Variants in MAGI2 observed in about 807,000 individuals in gnomAD.
MAGI2 encodes membrane associated guanylate kinase, WW and PDZ domain containing 2, also known as membrane-associated guanylate kinase, WW and PDZ domain-containing protein 2.
In MAGI2, 35 loss-of-function variants were observed where a neutral mutation model predicts 133.3. That is an observed-to-expected ratio of 0.26 (90% CI 0.20 to 0.35). MAGI2 has a LOEUF of 0.35. Among genes scored for constraint, MAGI2 ranks in the 10% least tolerant of loss-of-function variants. MAGI2 has a pLI of 1.00. For synonymous variants in MAGI2, 729 were observed against 710.6 expected, an observed-to-expected ratio of 1.03 and a Z score of -0.41; for missense variants, 1,636 against 1,863.4, an observed-to-expected ratio of 0.88 and a Z score of 2.25.
intron 3 of MAGI2, among the ~76,000 whole-genome samples, chr7:78,597,062 T>C (rs1029621828): frequency 3.3e-5 from 5 of 152,180 alleles, no homozygotes; most frequent in Non-Finnish European, 7.3e-5. Context: ...GAGAAATGGC[T>C]ATTAGGATGC....
At chr7:78,810,122 A>T (rs1330027797) in intron 2 of MAGI2, among the ~76,000 whole-genome samples, 1 of 152,136 alleles carries the variant, frequency 6.6e-6, no homozygotes, top group African/African-American at 2.4e-5. Context: ...TTTCTTTTTT[A>T]GGAAAGGCTG....
At position 78,256,130 on chromosome 7, in the gene MAGI2, G is replaced by A. The variant is rs199904902; in HGVS notation, c.1860C>T (p.Ala620=). 239 of 1,613,682 alleles carry A rather than the reference G, an allele frequency of 1.5e-4. No individual in the cohort carries two copies. The highest frequency in any genetic ancestry group is 1.9e-4 in the Non-Finnish European group (221 of 1,179,938). ...TCACCCGCTGTCCTGTAGGACTGTC[G>A]GCAATAGTGAAGCCGAAGCCCTGGG... The part of the protein sequence containing the change: ...KGAQGFGFTI[A]DSPTGQRVKQ... The change falls in exon 10 of 22, where the codon GCC becomes GCT. Residue 620 remains alanine, a synonymous_variant. Coordinates refer to ENST00000354212, the MANE Select transcript of MAGI2 (RefSeq NM_012301.4).
intron 1 of MAGI2, among the ~76,000 whole-genome samples, chr7:79,020,935 G>C (rs1443709073): frequency 2.0e-5 from 3 of 152,224 alleles, no homozygotes; most frequent in Non-Finnish European, 4.4e-5. Context: ...CCAAGGCCTT[G>C]CTGCTTTGTG....
intron 1 of MAGI2, among the ~76,000 whole-genome samples, chr7:79,105,423 C>T (rs1233972164): frequency 6.6e-6 from 1 of 152,108 alleles, no homozygotes; most frequent in Non-Finnish European, 1.5e-5. Context: ...CAGTTTCCTG[C>T]TCAGTAGCGA....
At chr7:78,806,019 T>C (rs1458953374) in intron 2 of MAGI2, among the ~76,000 whole-genome samples, 1 of 152,206 alleles carries the variant, frequency 6.6e-6, no homozygotes, top group East Asian at 1.9e-4. Flanking sequence ...AGGTTTATTT[T>C]TGTTGTAAAC....
rs1452313133 is a variant in MAGI2, at chr7:79,233,753, G to T, written c.301+219267C>A. Among the ~76,000 whole-genome samples the T allele has an allele frequency of 2.9e-5, 3 of 103,924 alleles. No individual in the cohort carries two copies. In the East Asian group the frequency reaches 9.2e-4, roughly 32 times the overall value. The allele number at this position is 103,924 out of a possible 152,430, so 68.2% of individuals were successfully genotyped here. A position where few individuals can be genotyped will look rare whatever the true frequency, so the allele number is the denominator to read the frequency against. On this transcript the variant is annotated intron_variant, in intron 1 of 21. Coordinates refer to ENST00000354212, the MANE Select transcript of MAGI2 (RefSeq NM_012301.4). ...TGGGTCTTGACTCTTTATCCAATTT[G>T]CCAGTCTGTGTCTTTTAATTGGAGC...
chr7:78,294,980 T>G (rs964750084), intron 9 of MAGI2, among the ~76,000 whole-genome samples: 11 of 102,902 alleles, frequency 1.1e-4, no homozygotes, highest in Admixed American at 2.2e-4. Flanking sequence ...GAACAGAACA[T>G]ATTATTTTTA....
chr7:79,249,420 G>T (rs914241355), intron 1 of MAGI2, among the ~76,000 whole-genome samples: 7 of 151,464 alleles, frequency 4.6e-5, no homozygotes, highest in Non-Finnish European at 1.0e-4. Context: ...AAGAGAAAAA[G>T]ATTTAAATAA....
intron 2 of MAGI2, among the ~76,000 whole-genome samples, chr7:78,949,656 C>T (rs1447825341): frequency 6.6e-6 from 1 of 152,056 alleles, no homozygotes; most frequent in African/African-American, 2.4e-5. Context: ...TAATGACATA[C>T]AAAAATTATT....
intron 2 of MAGI2, among the ~76,000 whole-genome samples, chr7:78,673,339 T>A (rs928463589): frequency 2.0e-5 from 3 of 151,768 alleles, no homozygotes; most frequent in South Asian, 2.1e-4. Context: ...ATAAAGAGAT[T>A]TGTTATAAGG....
intron 9 of MAGI2, among the ~76,000 whole-genome samples, chr7:78,333,438 C>G (rs912286885): frequency 3.2e-5 from 4 of 125,108 alleles, no homozygotes; most frequent in African/African-American, 9.7e-5. Flanking sequence ...CCAAAAGGTT[C>G]CCCCTTCTCT....
chr7:78,163,121 ATTAGT>A (rs1563201627), intron 15 of MAGI2, among the ~76,000 whole-genome samples: 1 of 152,070 alleles, frequency 6.6e-6, no homozygotes, highest in Middle Eastern at 3.4e-3. Flanking sequence ...AAGTCAAATA[ATTAGT>A]TTAGTTTGTT....
intron 7 of MAGI2, among the ~76,000 whole-genome samples, chr7:78,353,913 G>A (rs1791790132): frequency 6.6e-6 from 1 of 152,164 alleles, no homozygotes; most frequent in African/African-American, 2.4e-5. Context: ...TTAGTCTGAA[G>A]ATCTCCCTAC....
chr7:78,891,041 G>A (rs1024106501), intron 2 of MAGI2, among the ~76,000 whole-genome samples: 1 of 151,902 alleles, frequency 6.6e-6, no homozygotes, highest in South Asian at 2.1e-4. Flanking sequence ...AATGATAAAG[G>A]GGATATCACC....
intron 2 of MAGI2, among the ~76,000 whole-genome samples, chr7:78,658,467 T>C (rs918507507): frequency 6.6e-6 from 1 of 152,138 alleles, no homozygotes; most frequent in African/African-American, 2.4e-5. Flanking sequence ...GGAAAATTGA[T>C]AAACTGGGCT....
intron 3 of MAGI2, among the ~76,000 whole-genome samples, chr7:78,551,643 A>C (rs1026475470): frequency 1.1e-4 from 17 of 152,256 alleles, no homozygotes; most frequent in Non-Finnish European, 2.1e-4. Flanking sequence ...GGCAGGCCCT[A>C]AGAGGGTAAC....
chr7:78,241,978 G>A (rs1288933719), intron 10 of MAGI2, among the ~76,000 whole-genome samples: 5 of 147,484 alleles, frequency 3.4e-5, no homozygotes, highest in Admixed American at 1.3e-4. Flanking sequence ...GACGTGACAT[G>A]ATCAATAGTT....
chr7:78,708,861 A>AC (rs1554537205), intron 2 of MAGI2, among the ~76,000 whole-genome samples: 1 of 151,798 alleles, frequency 6.6e-6, no homozygotes, highest in African/African-American at 2.4e-5. Context: ...TCTAATACTC[A>AC]TTTTTTAAAG....
chr7:79,411,908 C>T (rs1846169002), intron 1 of MAGI2: 2 of 149,592 alleles, frequency 1.3e-5, no homozygotes, highest in South Asian at 2.2e-4. Flanking sequence ...AATTGAAATT[C>T]AATTGAAAAA....
Sources: allele counts gnomAD v4.1 joint callset (sites outside exome capture counted in the v4.1 genomes callset), GRCh38; gene constraint gnomAD v4.1.1; transcripts MANE v1.5; gene names NCBI Gene and HGNC (gene_info 2026-07-23, HGNC 2026-07-21).